TEX26: variants seen among roughly 807,000 people sequenced by gnomAD.
TEX26 encodes testis-expressed protein 26.
Under a neutral mutation model 35.3 loss-of-function variants are expected in TEX26, and 34 were observed. That is an observed-to-expected ratio of 0.96 (90% CI 0.73 to 1.28). The LOEUF (loss-of-function observed/expected upper bound fraction) is 1.28. TEX26 is among the 50% of genes most tolerant of loss of function. The pLI, the probability that TEX26 is intolerant of heterozygous loss-of-function variation, is 0.00. For synonymous variants in TEX26, 136 were observed against 111.8 expected, an observed-to-expected ratio of 1.22 and a Z score of -1.36; for missense variants, 371 against 330.1, an observed-to-expected ratio of 1.12 and a Z score of -0.96.
chr13:30,955,131 G>C (rs957576084), intron 3 of TEX26, among the ~76,000 whole-genome samples: 1 of 151,990 alleles, frequency 6.6e-6, no homozygotes, highest in South Asian at 2.1e-4. Flanking sequence ...ATTGCTTTGG[G>C]CCACACATAA....
chr13:30,957,071 A>AC, intron 4 of TEX26, 42 bp downstream of exon 4: 2 of 1,591,434 alleles, frequency 1.3e-6, no homozygotes, highest in Non-Finnish European at 1.7e-6. Context: ...GTCATGTGGT[A>AC]GGCCCTGGAG....
intron 1 of TEX26, chr13:30,936,864 A>G: frequency 1.0e-6 from 1 of 985,450 alleles, no homozygotes; most frequent in Non-Finnish European, 1.2e-6. Context: ...ACATACTAGG[A>G]ACAGATTTTC....
At chr13:30,945,813 G>T (rs1953686572) in intron 2 of TEX26, among the ~76,000 whole-genome samples, 1 of 151,832 alleles carries the variant, frequency 6.6e-6, no homozygotes, top group Non-Finnish European at 1.5e-5. Flanking sequence ...TCTGCTGTTA[G>T]TCTGATAGGT....
chr13:30,957,849 G>C (rs1050849084), intron 4 of TEX26, among the ~76,000 whole-genome samples: 6 of 152,372 alleles, frequency 3.9e-5, no homozygotes, highest in South Asian at 2.1e-4. Flanking sequence ...ATAAATGAAT[G>C]ATAGGGATGA....
At chr13:30,953,669 G>T (rs552505567) in intron 3 of TEX26, among the ~76,000 whole-genome samples, 1 of 152,264 alleles carries the variant, frequency 6.6e-6, no homozygotes, top group African/African-American at 2.4e-5. Context: ...TGCATGAAGG[G>T]AACTCCTATA....
chr13:30,934,863 C>A (rs1953211993), intron 1 of TEX26, among the ~76,000 whole-genome samples: 1 of 152,208 alleles, frequency 6.6e-6, no homozygotes, highest in African/African-American at 2.4e-5. Flanking sequence ...GTCTGAGCCT[C>A]CCTGTGCCTC....
At chr13:30,947,175 A>G (rs1448426512) in intron 2 of TEX26, among the ~76,000 whole-genome samples, 1 of 152,194 alleles carries the variant, frequency 6.6e-6, no homozygotes, top group Non-Finnish European at 1.5e-5. Context: ...ATAAATGTTC[A>G]TAATTATGAA....
chr13:30,959,558 T>C (rs1325851933), intron 4 of TEX26, among the ~76,000 whole-genome samples: 1 of 152,158 alleles, frequency 6.6e-6, no homozygotes, highest in South Asian at 2.1e-4. Flanking sequence ...AAATGTTTGC[T>C]GCTGAGCCAA....
At chr13:30,963,215 C>T (rs1356506243) in intron 4 of TEX26, among the ~76,000 whole-genome samples, 1 of 152,118 alleles carries the variant, frequency 6.6e-6, no homozygotes. Flanking sequence ...TTAAATGGGC[C>T]AGTTTCTTTC....
At chr13:30,939,983 C>T (rs954795476) in intron 2 of TEX26, among the ~76,000 whole-genome samples, 1 of 152,090 alleles carries the variant, frequency 6.6e-6, no homozygotes, top group Non-Finnish European at 1.5e-5. Context: ...TATAGGGAAA[C>T]CGAGAAAATG....
intron 4 of TEX26, among the ~76,000 whole-genome samples, chr13:30,965,635 T>C (rs146023321): frequency 4.9e-4 from 74 of 152,330 alleles, no homozygotes; most frequent in Admixed American, 9.1e-4. Context: ...ATTGAATGAA[T>C]ATGTTTTAGC....
intron 3 of TEX26, among the ~76,000 whole-genome samples, chr13:30,953,280 AG>A (rs1385928782): frequency 6.6e-6 from 1 of 152,208 alleles, no homozygotes. Flanking sequence ...AATCAATAAT[AG>A]GTGACCTTTT....
At chr13:30,970,724 C>T (rs1368675467) in intron 6 of TEX26, among the ~76,000 whole-genome samples, 1 of 152,164 alleles carries the variant, frequency 6.6e-6, no homozygotes, top group Non-Finnish European at 1.5e-5. Flanking sequence ...ATGGTGTCTG[C>T]AGGCACCGCT....
intron 3 of TEX26, among the ~76,000 whole-genome samples, chr13:30,954,277 TACACACACACACAC>T (rs56003143): frequency 0.01 from 1,431 of 137,946 alleles, 29 homozygotes; most frequent in African/African-American, 0.034. Context: ...TATAGACCTA[TACACACACACACAC>T]ACACACACAC....
Position 30,966,204 on chromosome 13 carries a change from A to G in TEX26, c.470-18A>G, listed in dbSNP as rs371109362. On this transcript the variant is annotated intron_variant, in intron 4 of 6. Transcript: ENST00000380473. ...TCACAAGGAGTAAGTATTGCCTTCC[A>G]TTTCCATTCCACCCCAGCTCAGAAG... 1 of 1,613,564 alleles carries G rather than the reference A, an allele frequency of 6.2e-7. No individual in the cohort carries two copies. The highest frequency in any genetic ancestry group is 1.7e-5 in the Admixed American group (1 of 59,986).
At chr13:30,965,417 G>C (rs1593601263) in intron 4 of TEX26, among the ~76,000 whole-genome samples, 3 of 152,188 alleles carry the variant, frequency 2.0e-5, no homozygotes, top group Non-Finnish European at 4.4e-5. Flanking sequence ...AGTGTCAATA[G>C]TAATTTGCAC....
chr13:30,959,087 C>G (rs1365476620), intron 4 of TEX26, among the ~76,000 whole-genome samples: 3 of 152,172 alleles, frequency 2.0e-5, no homozygotes, highest in Non-Finnish European at 4.4e-5. Context: ...TTAGAACTAC[C>G]TCCTTCCCAG....
chr13:30,937,088 T>C, intron 1 of TEX26: 1 of 722,326 alleles, frequency 1.4e-6, no homozygotes, highest in South Asian at 6.3e-5. Flanking sequence ...AGGTTAGGAT[T>C]AGGGAGTGGA....
intron 4 of TEX26, among the ~76,000 whole-genome samples, chr13:30,961,867 C>T (rs895303707): frequency 1.3e-5 from 2 of 152,012 alleles, no homozygotes; most frequent in Non-Finnish European, 2.9e-5. Flanking sequence ...ACTTTTTTGA[C>T]TCCTTCTCTC....
Sources: gnomAD v4.1 joint callset for allele counts (sites outside exome capture counted in the v4.1 genomes callset) on GRCh38, gnomAD v4.1.1 for gene constraint, MANE v1.5 for transcripts, NCBI Gene and HGNC (gene_info 2026-07-23, HGNC 2026-07-21) for gene names.